Variants in TBC1D24 observed in about 807,000 individuals in gnomAD.
The protein encoded by TBC1D24 is Infantile myoclonic epilepsy.
A neutral mutation model predicts 50.7 loss-of-function variants in TBC1D24; 47 were observed. The observed-to-expected ratio is 0.93, with a 90% confidence interval of 0.73 to 1.18. TBC1D24 has a LOEUF of 1.18. Among genes scored for constraint, TBC1D24 ranks in the 50% most tolerant of loss-of-function variants. TBC1D24 has a pLI of 0.00. For missense variants in TBC1D24, 688 were observed against 766.5 expected (o/e 0.90, Z 1.21); for synonymous variants, 324 against 335.2 (o/e 0.97, Z 0.36).
intron 1 of TBC1D24, among the ~76,000 whole-genome samples, chr16:2,489,475 A>G (rs1256604221): frequency 6.6e-6 from 1 of 152,166 alleles, no homozygotes; most frequent in African/African-American, 2.4e-5. Context: ...CGAGCGAACA[A>G]ATGAATACAA....
rs1277884795 is a variant in TBC1D24 at position 2,487,341 on chromosome 16, G to A, written c.-115-8693G>A. Among the ~76,000 whole-genome samples, 1 of 152,246 alleles carries A rather than the reference G, an allele frequency of 6.6e-6. No individual in the cohort carries two copies. The highest frequency in any genetic ancestry group is 1.5e-5 in the Non-Finnish European group (1 of 68,038). On this transcript the variant is annotated intron_variant, in intron 1 of 7. Transcript: ENST00000646147. This position sits in a 1 kb window ranked among gnomAD's most constrained non-coding sequence, Gnocchi z 4.1. ...AGGTCTGTCATGTGACTAACTGCAG[G>A]ACGAGGGAGCCGCGGTCGTATGCTG...
At position 2,499,508 on chromosome 16, in the gene TBC1D24, A is replaced by G. The variant is rs949217871; in HGVS notation, c.1206+88A>G. ...TCCAGGGCTGGCTCTGATGGGCTTCAGGGCCTAGGCCTCCTGGGCCAGATC... is the reference window on the plus strand; with the variant it reads ...TCCAGGGCTGGCTCTGATGGGCTTCGGGGCCTAGGCCTCCTGGGCCAGATC... On this transcript the variant is annotated intron_variant, in intron 5 of 7. Transcript: ENST00000646147. The surrounding 1 kb of genome is among the most constrained non-coding windows in gnomAD (Gnocchi z 4.0). 2.4e-6 allele frequency: 3 copies of G among 1,237,556 alleles called. No individual in the cohort carries two copies. The highest frequency in any genetic ancestry group is 1.9e-5 in the Admixed American group (1 of 52,208). The allele number at this position is 1,237,556 out of a possible 1,614,324, so 76.7% of individuals were successfully genotyped here. A position where few individuals can be genotyped will look rare whatever the true frequency, so the allele number is the denominator to read the frequency against.
chr16:2,495,467 G>A (rs1188955511), intron 1 of TBC1D24, among the ~76,000 whole-genome samples: 3 of 152,110 alleles, frequency 2.0e-5, no homozygotes, highest in Non-Finnish European at 4.4e-5. Context: ...AGAGCATAGC[G>A]AGACCCTGTC....
rs894401554 is a variant in TBC1D24 at position 2,487,992 on chromosome 16, C to T, written c.-115-8042C>T. On this transcript the variant is annotated intron_variant, in intron 1 of 7. Transcript: ENST00000646147. The surrounding 1 kb of genome is among the most constrained non-coding windows in gnomAD (Gnocchi z 4.1). The stretch of plus-strand genomic sequence containing the variant: ...GGGGTGAGCTGCTTGTCTGCTGGAG[C>T]GAAGGGGCCAGCTGCCCCGCTGGGG... Among the ~76,000 whole-genome samples the T allele has an allele frequency of 3.3e-5, 5 of 152,188 alleles. No homozygotes were observed. Among genetic ancestry groups the T allele is most frequent in the Admixed American group, 6.5e-5 (1 of 15,288 alleles).
chr16:2,497,251 G>C lies in TBC1D24; in HGVS notation c.965+138G>C, dbSNP rs1050671655. On this transcript the variant is annotated intron_variant, in intron 2 of 7. Transcript: ENST00000646147. ...CCAGCCATCTGTGCATGGCTGAAAAGACACTGAAACAGGAAGGGCCTTCCC... is the reference window on the plus strand; with the variant it reads ...CCAGCCATCTGTGCATGGCTGAAAACACACTGAAACAGGAAGGGCCTTCCC... 3 of 1,187,232 alleles carry C rather than the reference G, an allele frequency of 2.5e-6. No individual in the cohort carries two copies. In the African/African-American group the frequency reaches 4.5e-5, roughly 18 times the overall value. 73.5% of individuals were successfully genotyped at this position (1,187,232 alleles called of 1,614,324 possible).
intron 1 of TBC1D24, chr16:2,481,218 T>A (rs956797286): frequency 3.9e-5 from 6 of 152,240 alleles, no homozygotes; most frequent in African/African-American, 1.4e-4. Context: ...CCTGGCACAC[T>A]GGCATTCGGG....
intron 1 of TBC1D24, among the ~76,000 whole-genome samples, chr16:2,492,290 G>C (rs1201920400): frequency 6.6e-6 from 1 of 152,132 alleles, no homozygotes; most frequent in Non-Finnish European, 1.5e-5. Context: ...TGGCTCGGGG[G>C]TCCCTGTGAG....
In TBC1D24 at chr16:2,486,199, A is replaced by G. The variant is rs1356764454; in HGVS notation, c.-115-9835A>G. On this transcript the variant is annotated intron_variant, in intron 1 of 7. Transcript: ENST00000646147. This position sits in a 1 kb window ranked among gnomAD's most constrained non-coding sequence, Gnocchi z 5.8. Reference sequence around the variant, plus strand: ...GATCCCGCCAGGGGAGCCCACTGAGAGGAGCCTGCATCTCCTATCACGTGA... The same window carrying G: ...GATCCCGCCAGGGGAGCCCACTGAGGGGAGCCTGCATCTCCTATCACGTGA... Among the ~76,000 whole-genome samples, 1 of 152,092 alleles carries G rather than the reference A, an allele frequency of 6.6e-6. No homozygotes were observed.
In TBC1D24 at chr16:2,475,226, C is replaced by T. The variant is rs2065556134; in HGVS notation, c.-116+56C>T. On this transcript the variant is annotated intron_variant, in intron 1 of 7. Transcript: ENST00000646147. The surrounding 1 kb of genome is among the most constrained non-coding windows in gnomAD (Gnocchi z 4.2). ...GCGGCGGGGTGGCGGGTGGCGGGGCCGGGTCCCCGCTGTCACCGCGGTCGG... is the reference window on the plus strand; with the variant it reads ...GCGGCGGGGTGGCGGGTGGCGGGGCTGGGTCCCCGCTGTCACCGCGGTCGG... 1 of 142,284 alleles carries T rather than the reference C, an allele frequency of 7.0e-6. No homozygotes were observed. Among genetic ancestry groups the T allele is most frequent in the Admixed American group, 7.0e-5 (1 of 14,278 alleles). The allele number at this position is 142,284 out of a possible 1,614,324, so 8.8% of individuals were successfully genotyped here.
At chr16:2,497,623 C>A in intron 2 of TBC1D24, 87 bp from the exon 3 acceptor site, 1 of 1,346,242 alleles carries the variant, frequency 7.4e-7, no homozygotes, top group Non-Finnish European at 1.0e-6. Flanking sequence ...CCAGCAAAGG[C>A]CTGTCGGGGG....
chr16:2,488,420 C>T lies in TBC1D24; in HGVS notation c.-115-7614C>T, dbSNP rs190951441. Among the ~76,000 whole-genome samples, 260 of 149,908 alleles carry T rather than the reference C, an allele frequency of 1.7e-3. 3 individuals are homozygous for T. The highest frequency in any genetic ancestry group is 0.01 in the Admixed American group (154 of 15,060). On this transcript the variant is annotated intron_variant, in intron 1 of 7. Coordinates refer to ENST00000646147, the MANE Select transcript of TBC1D24 (RefSeq NM_001199107.2). ...GGCCAGAGGGCACGGTGGTCACATG[C>T]GTCAGATGACATATCAAGATAACAT... is the stretch of plus-strand genomic sequence containing the variant.
In TBC1D24 at chr16:2,501,120, T is replaced by C. The variant is rs908274141; in HGVS notation, c.*162T>C. On this transcript the variant is annotated 3_prime_UTR_variant, in exon 8 of 8. Coordinates refer to ENST00000646147, the MANE Select transcript of TBC1D24 (RefSeq NM_001199107.2). ...GGCGTTGCCTGGACCTGCTGCTGCCTCTACCTGGGGTTTGGGCTGGGCTTC... is the reference window on the plus strand; with the variant it reads ...GGCGTTGCCTGGACCTGCTGCTGCCCCTACCTGGGGTTTGGGCTGGGCTTC... 1.1e-6 allele frequency: 1 copy of C among 916,336 alleles called. No homozygotes were observed. Among genetic ancestry groups the C allele is most frequent in the African/African-American group, 1.7e-5 (1 of 60,010 alleles). 56.8% of individuals were successfully genotyped at this position (916,336 alleles called of 1,614,324 possible).
In TBC1D24 at chr16:2,500,417, C is replaced by T. The variant is rs756651679; in HGVS notation, c.1452C>T (p.Ala484=). 1.0e-5 allele frequency: 16 copies of T among 1,602,454 alleles called. No individual in the cohort carries two copies. The highest frequency in any genetic ancestry group is 3.3e-4 in the Middle Eastern group (2 of 6,056). The part of the protein sequence containing the change: ...DPADRLSPFL[A]ARHFNLPSKT... ...CTGACCGCCTCTCGCCCTTCCTGGC[C>T]GCTCGCCACTTCAACCTGCCCTCCA... is the stretch of plus-strand genomic sequence containing the variant. Residue 484 remains alanine (A), a synonymous_variant, in exon 7 of 8, where the codon GCC becomes GCT. Coordinates refer to ENST00000646147, the MANE Select transcript of TBC1D24 (RefSeq NM_001199107.2). The surrounding 1 kb of genome is among the most constrained non-coding windows in gnomAD (Gnocchi z 8.0).
intron 1 of TBC1D24, among the ~76,000 whole-genome samples, chr16:2,490,294 T>A (rs1455779109): frequency 6.6e-6 from 1 of 152,128 alleles, no homozygotes; most frequent in Non-Finnish European, 1.5e-5. Context: ...GCTTCTCTGC[T>A]CCACACTCAG....
intron 1 of TBC1D24, chr16:2,484,929 C>T (rs1266583159): frequency 1.3e-5 from 2 of 152,436 alleles, no homozygotes; most frequent in South Asian, 2.1e-4. Flanking sequence ...GTCCCCCAGC[C>T]GGAGGAGGCG....
rs2065795783 is a variant in TBC1D24, at chr16:2,501,720, T to A, written c.*762T>A. On this transcript the variant is annotated 3_prime_UTR_variant, in exon 8 of 8. Coordinates refer to ENST00000646147, the MANE Select transcript of TBC1D24 (RefSeq NM_001199107.2). ...CTTGTGTTTCTGCAGAGCCTGAAGC[T>A]TTTGCTGGGCCTCCCTGCGTGTTCC... 1.3e-5 allele frequency: 2 copies of A among 152,402 alleles called. No individual in the cohort carries two copies. 9.4% of individuals were successfully genotyped at this position (152,402 alleles called of 1,614,324 possible). A position where few individuals can be genotyped will look rare whatever the true frequency, so the allele number is the denominator to read the frequency against.
In TBC1D24 at chr16:2,486,348, G is replaced by A. The variant is rs1329602203; in HGVS notation, c.-115-9686G>A. The stretch of plus-strand genomic sequence containing the variant: ...ATTCCCGGTCCCACTCCCAGGAAAT[G>A]GTGAGGGATTGCTCAGACCAGATGG... On this transcript the variant is annotated intron_variant, in intron 1 of 7. Transcript: ENST00000646147. The surrounding 1 kb of genome is among the most constrained non-coding windows in gnomAD (Gnocchi z 5.8). Among the ~76,000 whole-genome samples, 1 of 152,234 alleles carries A rather than the reference G, an allele frequency of 6.6e-6. No homozygotes were observed. Among genetic ancestry groups the A allele is most frequent in the East Asian group, 1.9e-4 (1 of 5,192 alleles).
chr16:2,498,690 G>C (rs777886475), intron 4 of TBC1D24, among the ~76,000 whole-genome samples: 3 of 152,130 alleles, frequency 2.0e-5, no homozygotes, highest in African/African-American at 7.2e-5. Flanking sequence ...CCATGTGGGC[G>C]GCAGGTCCTG....
intron 1 of TBC1D24, chr16:2,493,526 C>T (rs558435113): frequency 1.3e-5 from 2 of 152,314 alleles, no homozygotes; most frequent in Non-Finnish European, 1.5e-5. Flanking sequence ...GTCTCGCAGA[C>T]GTACGTTTTA....
Sources: allele counts gnomAD v4.1 joint callset (sites outside exome capture counted in the v4.1 genomes callset), GRCh38; gene constraint gnomAD v4.1.1; non-coding constraint Gnocchi (gnomAD v3.1); transcripts MANE v1.5; gene names NCBI Gene and HGNC (gene_info 2026-07-23, HGNC 2026-07-21).